STAG1: variants seen among roughly 807,000 people sequenced by gnomAD.
STAG1 encodes STAG1 cohesin complex component.
STAG1 carries 26 observed loss-of-function variants against 170.9 expected under a neutral mutation model. The observed-to-expected ratio is 0.15, with a 90% CI of 0.11 to 0.21. The LOEUF is 0.21. STAG1 is among the 10% of genes least tolerant of loss of function. STAG1 has a pLI of 1.00. For missense variants in STAG1, 964 were observed against 1,509.5 expected, an observed-to-expected ratio of 0.64 and a Z score of 5.99; for synonymous variants, 514 against 497.7, an observed-to-expected ratio of 1.03 and a Z score of -0.44.
intron 5 of STAG1, among the ~76,000 whole-genome samples, chr3:136,549,972 T>C (rs1413207372): frequency 1.3e-5 from 2 of 152,192 alleles, no homozygotes; most frequent in African/African-American, 4.8e-5. Flanking sequence ...TGGCATACCA[T>C]ATTAATTGAC....
At chr3:136,747,338 G>A (rs1459690246) in intron 1 of STAG1, among the ~76,000 whole-genome samples, 1 of 151,360 alleles carries the variant, frequency 6.6e-6, no homozygotes, top group Admixed American at 6.6e-5. Context: ...GCAACTGTCT[G>A]ACGCAATGAT....
intron 2 of STAG1, among the ~76,000 whole-genome samples, chr3:136,624,317 G>A (rs1454496543): frequency 6.6e-6 from 1 of 152,034 alleles, no homozygotes; most frequent in South Asian, 2.1e-4. Flanking sequence ...AGCCAGGATG[G>A]TCTCGATCTC....
At chr3:136,605,844 C>G (rs928725148) in intron 3 of STAG1, among the ~76,000 whole-genome samples, 3 of 152,204 alleles carry the variant, frequency 2.0e-5, no homozygotes. Context: ...ACTAGAGGAA[C>G]ACTACAAGGC....
chr3:136,516,735 T>C (rs954769851), intron 7 of STAG1, among the ~76,000 whole-genome samples: 28 of 152,170 alleles, frequency 1.8e-4, no homozygotes, highest in Admixed American at 9.8e-4. Flanking sequence ...TAAAGAATAA[T>C]AGAATAATAG....
At chr3:136,477,228 C>A in intron 10 of STAG1, 61 bp downstream of exon 10, 1 of 1,501,342 alleles carries the variant, frequency 6.7e-7, no homozygotes, top group Admixed American at 2.2e-5. Flanking sequence ...ATTTTGATTC[C>A]CAGCATTTTA....
At chr3:136,660,989 A>G (rs1375811715) in intron 1 of STAG1, among the ~76,000 whole-genome samples, 4 of 152,002 alleles carry the variant, frequency 2.6e-5, no homozygotes, top group Non-Finnish European at 5.9e-5. Context: ...AAAAATAAAA[A>G]TAAAACCTGG....
At chr3:136,500,318 A>G (rs993298431) in intron 8 of STAG1, 22 bp from the exon 9 acceptor site, 3 of 1,479,778 alleles carry the variant, frequency 2.0e-6, no homozygotes, top group African/African-American at 2.8e-5. Context: ...AAATATATAT[A>G]AGTTGAAATC....
chr3:136,666,196 C>T (rs1241298613), intron 1 of STAG1, among the ~76,000 whole-genome samples: 2 of 150,192 alleles, frequency 1.3e-5, no homozygotes, highest in Non-Finnish European at 1.5e-5. Context: ...GGGCTTAGTC[C>T]TACAAGCACT....
intron 3 of STAG1, among the ~76,000 whole-genome samples, chr3:136,610,340 C>A (rs1939209238): frequency 6.6e-6 from 1 of 152,092 alleles, no homozygotes; most frequent in Non-Finnish European, 1.5e-5. Context: ...TGGCCTTTAG[C>A]AGGATTTTCT....
chr3:136,409,525 T>C (rs968293107), intron 21 of STAG1, among the ~76,000 whole-genome samples: 1 of 151,956 alleles, frequency 6.6e-6, no homozygotes, highest in Admixed American at 6.6e-5. Context: ...TTAGTATAGA[T>C]GGGGTTTTGC....
intron 4 of STAG1, among the ~76,000 whole-genome samples, chr3:136,576,989 T>C (rs1164343873): frequency 6.6e-6 from 1 of 152,072 alleles, no homozygotes; most frequent in Admixed American, 6.6e-5. Flanking sequence ...GCCAAGGAAA[T>C]GGAATGCTAG....
chr3:136,598,314 G>A (rs1411438722), intron 4 of STAG1, among the ~76,000 whole-genome samples: 25 of 151,776 alleles, frequency 1.6e-4, no homozygotes, highest in Non-Finnish European at 3.7e-4. Flanking sequence ...ATGCCCTTAA[G>A]ATAACACATC....
intron 2 of STAG1, among the ~76,000 whole-genome samples, chr3:136,626,751 A>G (rs567023201): frequency 6.6e-6 from 1 of 152,314 alleles, no homozygotes; most frequent in African/African-American, 2.4e-5. Flanking sequence ...TATGTTATCT[A>G]TAATACATAT....
At chr3:136,366,629 C>T (rs556152406) in intron 25 of STAG1, among the ~76,000 whole-genome samples, 5 of 152,052 alleles carry the variant, frequency 3.3e-5, no homozygotes, top group Non-Finnish European at 4.4e-5. Flanking sequence ...CTGAGTATTC[C>T]CTCCCATCTG....
chr3:136,511,799 TA>T (rs1460219432), intron 7 of STAG1, among the ~76,000 whole-genome samples: 3 of 152,016 alleles, frequency 2.0e-5, no homozygotes, highest in Non-Finnish European at 4.4e-5. Context: ...GAACGTCAAA[TA>T]AAAGTTAAAA....
intron 9 of STAG1, among the ~76,000 whole-genome samples, chr3:136,489,370 G>T (rs1047523792): frequency 6.6e-6 from 1 of 152,158 alleles, no homozygotes; most frequent in Non-Finnish European, 1.5e-5. Flanking sequence ...GAACTCCAGT[G>T]AATTTTAATT....
intron 1 of STAG1, among the ~76,000 whole-genome samples, chr3:136,751,536 C>A (rs1030396560): frequency 6.6e-6 from 1 of 152,024 alleles, no homozygotes; most frequent in East Asian, 1.9e-4. Flanking sequence ...AGGCCCCCGT[C>A]GGGGGCTGAG....
chr3:136,605,511 C>A (rs1260577160), intron 3 of STAG1, among the ~76,000 whole-genome samples: 1 of 152,202 alleles, frequency 6.6e-6, no homozygotes. Context: ...TTGAAACTCT[C>A]TTAACAGACA....
At chr3:136,613,313 C>CAAAAAAAAAACAAAAA in intron 3 of STAG1, among the ~76,000 whole-genome samples, 1 of 59,758 alleles carries the variant, frequency 1.7e-5, no homozygotes, top group African/African-American at 7.0e-5. Context: ...GACTCCGTCT[C>CAAAAAAAAAACAAAAA]AAAAAAAAAA....
Sources: allele counts gnomAD v4.1 joint callset (sites outside exome capture counted in the v4.1 genomes callset), GRCh38; gene constraint gnomAD v4.1.1; transcripts MANE v1.5; gene names NCBI Gene and HGNC (gene_info 2026-07-23, HGNC 2026-07-21).